Variants in BMP2K observed in about 807,000 individuals in gnomAD.
BMP2K encodes the protein BMP-2-inducible protein kinase.
A neutral mutation model predicts 116.0 loss-of-function variants in BMP2K; 74 were observed. The ratio of observed to expected loss-of-function variants is 0.64; its 90% CI spans 0.53 to 0.77. The LOEUF (loss-of-function observed/expected upper bound fraction) is 0.77. Ranked by LOEUF, BMP2K falls within the 30% of genes least tolerant of loss-of-function variation. The pLI, the probability that BMP2K is intolerant of heterozygous loss-of-function variation, is 0.00. For missense variants in BMP2K, 1,365 were observed against 1,403.6 expected, an observed-to-expected ratio of 0.97 and a Z score of 0.44; for synonymous variants, 486 against 502.5, an observed-to-expected ratio of 0.97 and a Z score of 0.44.
chr4:78,902,760 G>A (rs1216403476), intron 15 of BMP2K, among the ~76,000 whole-genome samples: 2 of 152,030 alleles, frequency 1.3e-5, no homozygotes, highest in Admixed American at 6.6e-5. Flanking sequence ...AGGAAAAGAG[G>A]GAAACCTGAT....
At chr4:78,891,209 C>A (rs536361105) in intron 15 of BMP2K, among the ~76,000 whole-genome samples, 12 of 152,248 alleles carry the variant, frequency 7.9e-5, no homozygotes, top group African/African-American at 2.9e-4. Flanking sequence ...GTTGAGAAAT[C>A]TGATATTATT....
At chr4:78,782,619 C>G (rs6834660) in intron 1 of BMP2K, among the ~76,000 whole-genome samples, 7,504 of 152,204 alleles carry the variant, frequency 0.049, 645 homozygotes, top group African/African-American at 0.17. Flanking sequence ...AAGGCAGTGT[C>G]ATTTCACTTA....
At chr4:78,818,480 A>G (rs1213177101) in intron 1 of BMP2K, among the ~76,000 whole-genome samples, 6 of 152,166 alleles carry the variant, frequency 3.9e-5, no homozygotes, top group African/African-American at 1.4e-4. Flanking sequence ...ATGGTATCTC[A>G]TTGTGGTTTT....
chr4:78,888,295 C>T (rs887113515), intron 15 of BMP2K: 32 of 152,166 alleles, frequency 2.1e-4, no homozygotes, highest in Admixed American at 2.0e-3. Context: ...AACTGGGGAA[C>T]ATAGCTTACT....
rs1229038498 is a variant in BMP2K, at chr4:78,871,923, C to T, written c.1583C>T (p.Pro528Leu). The T allele has an allele frequency of 6.2e-7, 1 of 1,610,788 alleles. No individual in the cohort carries two copies. Among genetic ancestry groups the T allele is most frequent in the East Asian group, 2.2e-5 (1 of 44,632 alleles). ...FLMHSVYQPQ[P>L]SASQYPTMMP... Reference sequence around the variant, plus strand: ...ATGCATTCGGTATATCAACCACAACCTTCTGCATCACAGTATCCTACAATG... The same window carrying T: ...ATGCATTCGGTATATCAACCACAACTTTCTGCATCACAGTATCCTACAATG... The change falls in exon 12 of 16, where the codon CCT (proline) becomes CTT (leucine). Residue 528 changes from proline to leucine, a missense_variant. By Grantham distance (98) the Pro-to-Leu change is moderately conservative. This residue lies in a region of BMP2K where 762 missense variants were observed against 756.7 expected (regional missense o/e 1.01). Coordinates refer to ENST00000502613, the MANE Select transcript of BMP2K (RefSeq NM_198892.2).
chr4:78,856,790 G>A (rs1346055710), intron 7 of BMP2K, among the ~76,000 whole-genome samples: 3 of 152,106 alleles, frequency 2.0e-5, no homozygotes, highest in Non-Finnish European at 2.9e-5. Context: ...TCCAGTCATA[G>A]TCAATGCTGG....
chr4:78,872,039 TCAA>T, intron 12 of BMP2K, 91 bp downstream of exon 12: 1 of 957,850 alleles, frequency 1.0e-6, no homozygotes, highest in Non-Finnish European at 1.6e-6. Context: ...ATTTAGTAAT[TCAA>T]AATCAAGTAA....
At position 78,827,487 on chromosome 4, in the gene BMP2K, G is replaced by T. The variant is rs151063620; in HGVS notation, c.297+1332G>T. ...TCACTGGCATTACGTGCCTGTGAGG[G>T]TGCAAAAGGAACATGTCTTTATTCA... On this transcript the variant is annotated intron_variant, in intron 2 of 15. Coordinates refer to ENST00000502613, the MANE Select transcript of BMP2K (RefSeq NM_198892.2). Among the ~76,000 whole-genome samples the T allele has an allele frequency of 5.1e-3, 770 of 152,194 alleles. 5 individuals carry two copies. Among genetic ancestry groups the T allele is most frequent in the African/African-American group, 0.017 (711 of 41,516 alleles).
chr4:78,824,152 A>G (rs558013426), intron 1 of BMP2K, among the ~76,000 whole-genome samples: 2 of 152,150 alleles, frequency 1.3e-5, no homozygotes, highest in Non-Finnish European at 2.9e-5. Context: ...CCCTAACACT[A>G]TACATGTGGA....
chr4:78,844,332 A>G (rs1730898823), intron 4 of BMP2K, among the ~76,000 whole-genome samples: 1 of 151,788 alleles, frequency 6.6e-6, no homozygotes, highest in African/African-American at 2.4e-5. Flanking sequence ...TTACTGTTCA[A>G]GAAACTGACT....
chr4:78,814,394 G>C (rs1301993159), intron 1 of BMP2K, among the ~76,000 whole-genome samples: 1 of 152,058 alleles, frequency 6.6e-6, no homozygotes, highest in African/African-American at 2.4e-5. Context: ...GATATGGTTT[G>C]ACTGTGTCCA....
chr4:78,849,217 C>T (rs995222462), intron 6 of BMP2K, among the ~76,000 whole-genome samples: 4 of 150,842 alleles, frequency 2.7e-5, no homozygotes, highest in African/African-American at 9.7e-5. Flanking sequence ...TAAAGAAATG[C>T]TTTATGTTAC....
At chr4:78,811,662 CAAAT>C (rs1236184907) in intron 1 of BMP2K, among the ~76,000 whole-genome samples, 7 of 152,240 alleles carry the variant, frequency 4.6e-5, no homozygotes, top group African/African-American at 1.4e-4. Flanking sequence ...AATGTACAAA[CAAAT>C]GAGTGCTGTT....
At chr4:78,792,590 C>T (rs1728055231) in intron 1 of BMP2K, among the ~76,000 whole-genome samples, 1 of 152,008 alleles carries the variant, frequency 6.6e-6, no homozygotes, top group Non-Finnish European at 1.5e-5. Flanking sequence ...TTGTCTTAGC[C>T]ATTGTGAGCT....
At chr4:78,893,152 C>T (rs188366753) in intron 15 of BMP2K, among the ~76,000 whole-genome samples, 41 of 152,300 alleles carry the variant, frequency 2.7e-4, no homozygotes, top group Non-Finnish European at 5.9e-5. Context: ...ATTCTAAATT[C>T]TTGGAGTCAT....
At chr4:78,860,146 G>T in intron 8 of BMP2K, 1 of 483,896 alleles carries the variant, frequency 2.1e-6, no homozygotes, top group Non-Finnish European at 4.0e-6. Context: ...CAATGTGTAC[G>T]CATAGATATA....
chr4:78,804,133 C>A (rs1391346786), intron 1 of BMP2K, among the ~76,000 whole-genome samples: 1 of 152,166 alleles, frequency 6.6e-6, no homozygotes, highest in African/African-American at 2.4e-5. Context: ...TCCCTCCCCA[C>A]CCCAAACTCT....
chr4:78,779,443 T>C (rs538056739), intron 1 of BMP2K, among the ~76,000 whole-genome samples: 2 of 152,268 alleles, frequency 1.3e-5, no homozygotes, highest in Non-Finnish European at 2.9e-5. Context: ...AAATCACCAA[T>C]AGCAAGCACA....
At chr4:78,827,286 A>G (rs900868996) in intron 2 of BMP2K, among the ~76,000 whole-genome samples, 4 of 151,120 alleles carry the variant, frequency 2.6e-5, no homozygotes, top group East Asian at 1.9e-4. Context: ...ATTCCATTGC[A>G]TAAGCAAAGC....
Sources: allele counts gnomAD v4.1 joint callset (sites outside exome capture counted in the v4.1 genomes callset), GRCh38; gene constraint gnomAD v4.1.1; regional missense constraint gnomAD v4.1.1; transcripts MANE v1.5; gene names NCBI Gene and HGNC (gene_info 2026-07-23, HGNC 2026-07-21).